The following YPEL1 variants were observed in gnomAD, a reference collection of about 807,000 sequenced individuals.
YPEL1 encodes protein yippee-like 1.
Under a neutral mutation model 17.3 loss-of-function variants are expected in YPEL1, and 7 were observed. That is an observed-to-expected ratio of 0.40 (90% confidence interval 0.23 to 0.76). The LOEUF is 0.76. YPEL1 is among the 30% of genes least tolerant of loss of function. The pLI, the probability that YPEL1 is intolerant of heterozygous loss-of-function variation, is 0.35. For missense variants in YPEL1, 91 were observed against 155.5 expected (o/e 0.59, Z 2.21); for synonymous variants, 59 against 59.6 (o/e 0.99, Z 0.05).
chr22:21,718,244 A>G (rs2068247191), intron 1 of YPEL1, among the ~76,000 whole-genome samples: 1 of 151,928 alleles, frequency 6.6e-6, no homozygotes, highest in Admixed American at 6.6e-5. Flanking sequence ...CGGGTGGATC[A>G]TGAGGTCAGG....
intron 1 of YPEL1, among the ~76,000 whole-genome samples, chr22:21,718,111 T>C (rs1020089246): frequency 7.2e-6 from 1 of 138,096 alleles, no homozygotes. Context: ...GCCTAGGTAA[T>C]GAGTGAGACT....
At chr22:21,717,393 CAA>C (rs1015652221) in intron 1 of YPEL1, among the ~76,000 whole-genome samples, 1 of 137,788 alleles carries the variant, frequency 7.3e-6, no homozygotes, top group Admixed American at 7.2e-5. Context: ...AAAAAAAAAA[CAA>C]AAAAACAGTG....
chr22:21,724,634 G>A (rs1332130536), intron 1 of YPEL1, among the ~76,000 whole-genome samples: 1 of 149,970 alleles, frequency 6.7e-6, no homozygotes, highest in African/African-American at 2.5e-5. Context: ...AGGCTGGAGT[G>A]CAGTGGCATA....
chr22:21,710,065 A>G (rs1168373359), intron 2 of YPEL1, among the ~76,000 whole-genome samples: 2 of 152,120 alleles, frequency 1.3e-5, no homozygotes, highest in East Asian at 1.9e-4. Context: ...AACGCCACAC[A>G]CTGCTAATGA....
At chr22:21,721,514 C>G (rs370514201) in intron 1 of YPEL1, among the ~76,000 whole-genome samples, 1 of 151,556 alleles carries the variant, frequency 6.6e-6, no homozygotes, top group South Asian at 2.1e-4. Context: ...ACCTCCACCT[C>G]CTGGGTTCAA....
intron 2 of YPEL1, among the ~76,000 whole-genome samples, chr22:21,705,557 CTG>C (rs1336314448): frequency 6.6e-6 from 1 of 152,160 alleles, no homozygotes; most frequent in East Asian, 1.9e-4. Context: ...AGGAATGTGA[CTG>C]AAACACGATT....
At chr22:21,711,900 T>C (rs780239512) in intron 1 of YPEL1, among the ~76,000 whole-genome samples, 53 of 152,288 alleles carry the variant, frequency 3.5e-4, no homozygotes, top group Non-Finnish European at 6.2e-4. Flanking sequence ...TCTGGCTCGG[T>C]GCAGTGCTCA....
At chr22:21,731,023 CAA>C (rs2148615935) in intron 1 of YPEL1, among the ~76,000 whole-genome samples, 1 of 152,078 alleles carries the variant, frequency 6.6e-6, no homozygotes, top group African/African-American at 2.4e-5. Context: ...CCATTAGTAA[CAA>C]AGTTTCCCAC....
In YPEL1 at chr22:21,703,711, C is replaced by CG. The variant is rs1555903184; in HGVS notation, c.161+127dup. 73 of 1,039,684 alleles carry CG rather than the reference C, an allele frequency of 7.0e-5. No homozygotes were observed. The highest frequency in any genetic ancestry group is 2.5e-4 in the Middle Eastern group (1 of 4,060). The allele number at this position is 1,039,684 out of a possible 1,614,324, so 64.4% of individuals were successfully genotyped here. On this transcript the variant is annotated intron_variant, in intron 3 of 4. Transcript: ENST00000339468. This position sits in a 1 kb window ranked among gnomAD's most constrained non-coding sequence, Gnocchi z 6.1. ...CTTAGCGCGTTTCAGAAACTCCCGG[C>CG]GGGGGGATGGTGGGTTCTTTCAGGA... is the stretch of plus-strand genomic sequence containing the variant.
At position 21,703,863 on chromosome 22, in the gene YPEL1, C is replaced by T. The variant is rs1205391512; in HGVS notation, c.137G>A (p.Gly46Glu). The change falls in exon 3 of 5, where the codon GGA becomes GAA. Residue 46 changes from glycine (G) to glutamate (E), a missense_variant. By Grantham distance (98) the Gly-to-Glu change is moderately conservative. Transcript: ENST00000339468. This position sits in a 1 kb window ranked among gnomAD's most constrained non-coding sequence, Gnocchi z 6.1. ...LISKSFQGSQGRAYLFNSVVN... is the reference protein window; with the variant it reads ...LISKSFQGSQERAYLFNSVVN... ...CACGGAATTGAAGAGGTAGGCGCGT[C>T]CCTGGCTCCCCTGAAAGGACTGAAA... The T allele has an allele frequency of 1.2e-6, 2 of 1,605,380 alleles. No homozygotes were observed. Among genetic ancestry groups the T allele is most frequent in the African/African-American group, 2.7e-5 (2 of 74,664 alleles).
At chr22:21,715,652 G>A (rs113432630) in intron 1 of YPEL1, among the ~76,000 whole-genome samples, 31,284 of 150,738 alleles carry the variant, frequency 0.21, 3,457 homozygotes, top group African/African-American at 0.23. Context: ...CACCATCTGC[G>A]CTCACTGCAA....
At chr22:21,733,503 G>T (rs1354691712) in intron 1 of YPEL1, among the ~76,000 whole-genome samples, 1 of 152,118 alleles carries the variant, frequency 6.6e-6, no homozygotes, top group South Asian at 2.1e-4. Context: ...GGAGGCAAGG[G>T]GGGAGGATCG....
At chr22:21,720,664 A>C (rs1469846267) in intron 1 of YPEL1, among the ~76,000 whole-genome samples, 3 of 149,698 alleles carry the variant, frequency 2.0e-5, no homozygotes, top group African/African-American at 4.9e-5. Flanking sequence ...CTAATTTTGT[A>C]TTTTTAGTAG....
chr22:21,733,769 A>G lies in YPEL1; in HGVS notation c.-165+1846T>C, dbSNP rs563371203. Among the ~76,000 whole-genome samples, 4 of 152,262 alleles carry G rather than the reference A, an allele frequency of 2.6e-5. No individual in the cohort carries two copies. In the East Asian group the frequency reaches 7.7e-4, roughly 29 times the overall value. On this transcript the variant is annotated intron_variant, in intron 1 of 4. Transcript: ENST00000339468. ...AATAAACAAACCAAAACAAACCAAC[A>G]AAAAAAGAAAGAAAAAAGGAAAAAA...
At chr22:21,704,024 C>T in intron 2 of YPEL1, 142 bp from the exon 3 acceptor site, 3 of 877,494 alleles carry the variant, frequency 3.4e-6, no homozygotes, top group Non-Finnish European at 5.7e-6. Context: ...CGTCCCCCCT[C>T]CAGAACTCCA....
chr22:21,717,240 G>T (rs1294047774), intron 1 of YPEL1, among the ~76,000 whole-genome samples: 1 of 152,082 alleles, frequency 6.6e-6, no homozygotes, highest in Non-Finnish European at 1.5e-5. Context: ...GCCGGGCGTG[G>T]TGGTGTCTGC....
At chr22:21,702,769 G>C (rs1601623183) in intron 4 of YPEL1, among the ~76,000 whole-genome samples, 1 of 152,334 alleles carries the variant, frequency 6.6e-6, no homozygotes, top group Middle Eastern at 3.4e-3. Context: ...CTGGAAGAGA[G>C]ACTTCAGGGC....
chr22:21,703,553 C>T lies in YPEL1; in HGVS notation c.162-75G>A, dbSNP rs2068086094. On this transcript the variant is annotated intron_variant, in intron 3 of 4. Coordinates refer to ENST00000339468, the MANE Select transcript of YPEL1 (RefSeq NM_013313.5). This position sits in a 1 kb window ranked among gnomAD's most constrained non-coding sequence, Gnocchi z 6.1. The stretch of plus-strand genomic sequence containing the variant: ...CAGGCCCTGCCCCCTCAGCGGGCCC[C>T]ACCCCATCCTCCTAAGAGTTCCCCC... 7.4e-7 allele frequency: 1 copy of T among 1,352,810 alleles called. No homozygotes were observed. 83.8% of individuals were successfully genotyped at this position (1,352,810 alleles called of 1,614,324 possible).
intron 1 of YPEL1, among the ~76,000 whole-genome samples, chr22:21,734,110 C>T (rs376588398): frequency 3.3e-5 from 5 of 152,278 alleles, no homozygotes. Flanking sequence ...GTCCTAGCTA[C>T]ATGGGAGGCT....
Sources: gnomAD v4.1 joint callset for allele counts (sites outside exome capture counted in the v4.1 genomes callset) on GRCh38, gnomAD v4.1.1 for gene constraint, Gnocchi (gnomAD v3.1) non-coding constraint, MANE v1.5 for transcripts, NCBI Gene and HGNC (gene_info 2026-07-23, HGNC 2026-07-21) for gene names.